The following CNTN3 variants were observed in gnomAD, a reference collection of about 807,000 sequenced individuals.
The protein encoded by CNTN3 is contactin-3.
CNTN3 carries 60 observed loss-of-function variants against 119.1 expected under a neutral mutation model. The ratio of observed to expected loss-of-function variants is 0.50; its 90% confidence interval spans 0.41 to 0.62. CNTN3 has a LOEUF of 0.62. CNTN3 is among the 20% of genes least tolerant of loss of function. CNTN3 has a pLI of 0.00. For synonymous variants in CNTN3, 450 were observed against 438.7 expected (o/e 1.03, Z -0.32); for missense variants, 1,101 against 1,242.4 (o/e 0.89, Z 1.71).
At chr3:74,268,978 T>C (rs1230635089) in intron 20 of CNTN3, among the ~76,000 whole-genome samples, 1 of 151,534 alleles carries the variant, frequency 6.6e-6, no homozygotes, top group Non-Finnish European at 1.5e-5. Context: ...GGGTTTATCT[T>C]GTATGAGTCA....
intron 1 of CNTN3, among the ~76,000 whole-genome samples, chr3:74,560,287 G>A (rs1303821921): frequency 1.3e-5 from 2 of 152,154 alleles, no homozygotes; most frequent in African/African-American, 4.8e-5. Context: ...GCATGGCACA[G>A]AGTGACTGCC....
At chr3:74,301,342 G>A in intron 16 of CNTN3, 56 bp downstream of exon 16, 1 of 1,559,600 alleles carries the variant, frequency 6.4e-7, no homozygotes, top group Non-Finnish European at 8.7e-7. Flanking sequence ...AGGGCCAAGG[G>A]AAATGGAAGT....
intron 4 of CNTN3, among the ~76,000 whole-genome samples, chr3:74,429,671 G>A (rs1016090483): frequency 6.6e-6 from 1 of 152,076 alleles, no homozygotes; most frequent in Non-Finnish European, 1.5e-5. Context: ...TCTGCTCCAT[G>A]AAAGCTCAAG....
At chr3:74,308,761 T>A (rs1413835052) in intron 13 of CNTN3, among the ~76,000 whole-genome samples, 2 of 152,176 alleles carry the variant, frequency 1.3e-5, no homozygotes, top group Non-Finnish European at 2.9e-5. Flanking sequence ...CACAATTGTT[T>A]TTGCCATATC....
intron 1 of CNTN3, among the ~76,000 whole-genome samples, chr3:74,564,397 T>C (rs933120068): frequency 4.6e-5 from 7 of 151,890 alleles, no homozygotes; most frequent in Non-Finnish European, 2.9e-5. Context: ...GCCTTTTCAA[T>C]TGGTAAATTC....
intron 5 of CNTN3, among the ~76,000 whole-genome samples, chr3:74,386,046 T>C (rs754483842): frequency 6.6e-6 from 1 of 152,074 alleles, no homozygotes; most frequent in Non-Finnish European, 1.5e-5. Flanking sequence ...GTTTTACAGA[T>C]AAGGTAACTA....
intron 4 of CNTN3, among the ~76,000 whole-genome samples, chr3:74,450,866 T>G (rs1399527521): frequency 1.3e-5 from 2 of 152,112 alleles, no homozygotes; most frequent in Non-Finnish European, 2.9e-5. Context: ...GGCTGCGTAG[T>G]ATTCCATGGT....
At chr3:74,526,857 A>T (rs1703627126) in intron 1 of CNTN3, among the ~76,000 whole-genome samples, 4 of 151,766 alleles carry the variant, frequency 2.6e-5, no homozygotes, top group African/African-American at 9.7e-5. Context: ...TATTTAGATT[A>T]TGGCTTCTCT....
At chr3:74,363,717 T>C (rs773256018) in intron 10 of CNTN3, among the ~76,000 whole-genome samples, 2 of 152,100 alleles carry the variant, frequency 1.3e-5, no homozygotes, top group Non-Finnish European at 2.9e-5. Flanking sequence ...AAACATCATA[T>C]AGAACCTGAT....
Position 74,295,893 on chromosome 3 carries a change from A to T in CNTN3, c.2402-657T>A, listed in dbSNP as rs184427222. 8.5e-5 allele frequency among the ~76,000 whole-genome samples: 13 copies of T among 152,246 alleles called. No homozygotes were observed. In the East Asian group the frequency reaches 2.5e-3, roughly 30 times the overall value. ...CTCAGGTGCATTTCTCTGTCAAATG[A>T]TCCTGCTTCTCAGACAAGGATCTTG... On this transcript the variant is annotated intron_variant, in intron 18 of 22. Coordinates refer to ENST00000263665, the MANE Select transcript of CNTN3 (RefSeq NM_020872.3).
chr3:74,299,205 C>G (rs1279408087), intron 17 of CNTN3, among the ~76,000 whole-genome samples: 2 of 149,216 alleles, frequency 1.3e-5, no homozygotes, highest in African/African-American at 4.9e-5. Context: ...AAGACTGTCT[C>G]AAAAAAAAAG....
At chr3:74,475,140 C>T (rs922121542) in intron 4 of CNTN3, among the ~76,000 whole-genome samples, 5 of 151,808 alleles carry the variant, frequency 3.3e-5, no homozygotes, top group Admixed American at 3.3e-4. Flanking sequence ...CATCCCAGAC[C>T]CTAATACTCC....
At chr3:74,575,312 C>T (rs570191002) in intron 1 of CNTN3, among the ~76,000 whole-genome samples, 4 of 152,016 alleles carry the variant, frequency 2.6e-5, no homozygotes, top group Non-Finnish European at 5.9e-5. Flanking sequence ...AGTGCACTGG[C>T]GTGATCTCGG....
At chr3:74,577,380 A>G (rs1292408529) in intron 1 of CNTN3, among the ~76,000 whole-genome samples, 1 of 152,186 alleles carries the variant, frequency 6.6e-6, no homozygotes, top group Admixed American at 6.5e-5. Context: ...GGTTCATTCC[A>G]CAATTGGCTA....
intron 1 of CNTN3, among the ~76,000 whole-genome samples, chr3:74,580,928 A>G (rs553995821): frequency 6.6e-6 from 1 of 152,222 alleles, no homozygotes; most frequent in Admixed American, 6.5e-5. Context: ...TGTTGCTCAC[A>G]TTGGTCTCAA....
chr3:74,275,484 G>A (rs1701861286), intron 20 of CNTN3, among the ~76,000 whole-genome samples: 1 of 152,152 alleles, frequency 6.6e-6, no homozygotes, highest in Non-Finnish European at 1.5e-5. Context: ...AAGGGATTGT[G>A]GCCCAATCTT....
At chr3:74,382,321 T>A (rs2106813113) in intron 5 of CNTN3, among the ~76,000 whole-genome samples, 1 of 152,310 alleles carries the variant, frequency 6.6e-6, no homozygotes, top group Middle Eastern at 3.4e-3. Flanking sequence ...AATGCTTAAA[T>A]CAAGTTAATT....
chr3:74,559,443 T>C (rs994015733), intron 1 of CNTN3, among the ~76,000 whole-genome samples: 2 of 152,130 alleles, frequency 1.3e-5, no homozygotes, highest in African/African-American at 4.8e-5. Context: ...GAGGATTCCT[T>C]GTTATCAGGA....
At chr3:74,442,588 C>T (rs1183230873) in intron 4 of CNTN3, among the ~76,000 whole-genome samples, 1 of 152,032 alleles carries the variant, frequency 6.6e-6, no homozygotes, top group East Asian at 1.9e-4. Flanking sequence ...CCTTGTCTTC[C>T]TCTTTACCTT....
Sources: allele counts gnomAD v4.1 joint callset (sites outside exome capture counted in the v4.1 genomes callset), GRCh38; gene constraint gnomAD v4.1.1; transcripts MANE v1.5; gene names NCBI Gene and HGNC (gene_info 2026-07-23, HGNC 2026-07-21).